Variants in GAB2 observed in about 807,000 individuals in gnomAD.
The protein encoded by GAB2 is GRB2 associated binding protein 2.
GAB2 carries 26 observed loss-of-function variants against 65.5 expected under a neutral mutation model. The observed-to-expected ratio is 0.40, with a 90% CI of 0.29 to 0.55. The LOEUF (loss-of-function observed/expected upper bound fraction) is 0.55. Ranked by LOEUF, GAB2 falls within the 20% of genes least tolerant of loss-of-function variation. The pLI is 0.53. For missense variants in GAB2, 884 were observed against 875.8 expected, an observed-to-expected ratio of 1.01 and a Z score of -0.12; for synonymous variants, 321 against 329.6, an observed-to-expected ratio of 0.97 and a Z score of 0.28.
At chr11:78,294,966 G>T (rs1367622471) in intron 1 of GAB2, among the ~76,000 whole-genome samples, 1 of 151,974 alleles carries the variant, frequency 6.6e-6, no homozygotes, top group Non-Finnish European at 1.5e-5. Flanking sequence ...TACAGAATGG[G>T]AGAAAATTTT....
At chr11:78,405,530 C>T (rs1024349736) in intron 1 of GAB2, among the ~76,000 whole-genome samples, 3 of 152,080 alleles carry the variant, frequency 2.0e-5, no homozygotes, top group African/African-American at 7.2e-5. Flanking sequence ...GTAATTGCCA[C>T]TACTATACTA....
intron 2 of GAB2, among the ~76,000 whole-genome samples, chr11:78,278,550 G>A (rs906084099): frequency 6.8e-6 from 1 of 147,224 alleles, no homozygotes; most frequent in Non-Finnish European, 1.5e-5. Context: ...CCTAATTTTT[G>A]TATTTTTAGT....
rs568133681 is a variant in GAB2 at position 78,361,167 on chromosome 11, C to G, written c.75+56479G>C. On this transcript the variant is annotated intron_variant, in intron 1 of 9. Coordinates refer to ENST00000361507, the MANE Select transcript of GAB2 (RefSeq NM_080491.3). ...TTTAATGACACTGTTAAAAATAAAGCTGAAACAAAGTTGAACCTGTACCTC... is the reference window on the plus strand; with the variant it reads ...TTTAATGACACTGTTAAAAATAAAGGTGAAACAAAGTTGAACCTGTACCTC... 1.6e-4 allele frequency among the ~76,000 whole-genome samples: 24 copies of G among 152,202 alleles called. No individual in the cohort carries two copies. The South Asian group carries it at 5.0e-3, about 32-fold the overall frequency.
intron 1 of GAB2, among the ~76,000 whole-genome samples, chr11:78,402,198 T>G (rs1289639837): frequency 6.6e-6 from 1 of 152,180 alleles, no homozygotes. Context: ...GTGTATGTCC[T>G]TGCCACCTTG....
At chr11:78,407,658 TAAGAAAGA>T (rs375405621) in intron 1 of GAB2, among the ~76,000 whole-genome samples, 1,903 of 117,146 alleles carry the variant, frequency 0.016, 37 homozygotes, top group Admixed American at 0.02. Flanking sequence ...AGAAAGAAAG[TAAGAAAGA>T]AAGAAAGAAA....
intron 1 of GAB2, among the ~76,000 whole-genome samples, chr11:78,290,639 A>T (rs1048112174): frequency 6.6e-6 from 1 of 152,180 alleles, no homozygotes; most frequent in Admixed American, 6.5e-5. Context: ...GTGAAAGTTT[A>T]TCACACCAGG....
At chr11:78,247,587 T>C (rs1199687503) in intron 3 of GAB2, among the ~76,000 whole-genome samples, 1 of 152,232 alleles carries the variant, frequency 6.6e-6, no homozygotes, top group African/African-American at 2.4e-5. Context: ...TTCTCGACGA[T>C]ATATTATTGG....
intron 3 of GAB2, among the ~76,000 whole-genome samples, chr11:78,240,305 T>C (rs1296795853): frequency 1.3e-5 from 2 of 152,044 alleles, no homozygotes; most frequent in African/African-American, 4.8e-5. Flanking sequence ...TGAGCTGAAG[T>C]AGCACACTGT....
chr11:78,331,883 G>C (rs928248897), intron 1 of GAB2, among the ~76,000 whole-genome samples: 5 of 152,090 alleles, frequency 3.3e-5, no homozygotes, highest in Admixed American at 6.5e-5. Context: ...TTATAGCCCA[G>C]AGGACACCAT....
chr11:78,347,143 T>A (rs536302846), intron 1 of GAB2, among the ~76,000 whole-genome samples: 18 of 152,278 alleles, frequency 1.2e-4, no homozygotes, highest in Non-Finnish European at 2.4e-4. Context: ...GAGCTCAGTA[T>A]AAGACTCCTT....
chr11:78,218,468 G>C lies in GAB2; in HGVS notation c.*804C>G, dbSNP rs1361553080. Reference sequence around the variant, plus strand: ...GGGCCTAGAGTGGCCTGTAGCTCCAGAGTTCTGGGGACCCAGACCCCACAG... The same window carrying C: ...GGGCCTAGAGTGGCCTGTAGCTCCACAGTTCTGGGGACCCAGACCCCACAG... On this transcript the variant is annotated 3_prime_UTR_variant, in exon 10 of 10. Coordinates refer to ENST00000361507, the MANE Select transcript of GAB2 (RefSeq NM_080491.3). The C allele has an allele frequency of 3.3e-5, 5 of 152,458 alleles. No homozygotes were observed. The highest frequency in any genetic ancestry group is 9.6e-5 in the African/African-American group (4 of 41,464). The allele number at this position is 152,458 out of a possible 1,614,324, so 9.4% of individuals were successfully genotyped here.
At chr11:78,417,496 C>T in intron 1 of GAB2, 150 bp downstream of exon 1, 2 of 252,730 alleles carry the variant, frequency 7.9e-6, no homozygotes, top group Non-Finnish European at 1.4e-5. Context: ...TGTGCAGGTG[C>T]CCCACACGCC....
At chr11:78,316,375 C>A (rs1230228839) in intron 1 of GAB2, among the ~76,000 whole-genome samples, 1 of 151,782 alleles carries the variant, frequency 6.6e-6, no homozygotes, top group African/African-American at 2.4e-5. Context: ...TAGTTCTGTC[C>A]CTCTGGAGAA....
chr11:78,316,811 G>A (rs965510530), intron 1 of GAB2, among the ~76,000 whole-genome samples: 1 of 152,112 alleles, frequency 6.6e-6, no homozygotes, highest in Non-Finnish European at 1.5e-5. Flanking sequence ...CTGAAAGCAG[G>A]AACACAAACG....
chr11:78,417,690 C>T lies in GAB2; in HGVS notation c.31G>A (p.Gly11Ser). ...TCGGGAGGCGATTTCCTCAGCCAGCCGGTGCACACCACGTCGCCGCCGCCG... is the reference window on the plus strand; with the variant it reads ...TCGGGAGGCGATTTCCTCAGCCAGCTGGTGCACACCACGTCGCCGCCGCCG... MSGGGDVVCT[G>S]WLRKSPPEKK... The change falls in exon 1 of 10, where the codon GGC becomes AGC. Residue 11 changes from glycine (G) to serine (S), a missense_variant. By Grantham distance (56) the Gly-to-Ser change is moderately conservative. Transcript: ENST00000361507. 7.3e-7 allele frequency: 1 copy of T among 1,371,102 alleles called. No homozygotes were observed. Among genetic ancestry groups the T allele is most frequent in the South Asian group, 1.4e-5 (1 of 73,518 alleles). 84.9% of individuals were successfully genotyped at this position (1,371,102 alleles called of 1,614,324 possible).
intron 2 of GAB2, among the ~76,000 whole-genome samples, chr11:78,278,931 G>T (rs1866252063): frequency 6.6e-6 from 1 of 152,020 alleles, no homozygotes; most frequent in African/African-American, 2.4e-5. Flanking sequence ...AACCATGATT[G>T]TGTCACTGCA....
intron 1 of GAB2, among the ~76,000 whole-genome samples, chr11:78,349,577 T>C (rs1856243464): frequency 6.6e-6 from 1 of 152,210 alleles, no homozygotes; most frequent in Non-Finnish European, 1.5e-5. Context: ...GCTTAGGGCA[T>C]CCTCAGAAAG....
chr11:78,335,899 T>C (rs971463914), intron 1 of GAB2, among the ~76,000 whole-genome samples: 1 of 152,180 alleles, frequency 6.6e-6, no homozygotes, highest in African/African-American at 2.4e-5. Flanking sequence ...GTGCCTTCTT[T>C]AGTTTTTTTC....
intron 1 of GAB2, among the ~76,000 whole-genome samples, chr11:78,390,789 AC>A (rs756636852): frequency 7.5e-4 from 114 of 152,340 alleles, no homozygotes; most frequent in Non-Finnish European, 1.4e-3. Flanking sequence ...TTCCACAGAT[AC>A]CAATGTAGAT....
Sources: allele counts gnomAD v4.1 joint callset (sites outside exome capture counted in the v4.1 genomes callset), GRCh38; gene constraint gnomAD v4.1.1; transcripts MANE v1.5; gene names NCBI Gene and HGNC (gene_info 2026-07-23, HGNC 2026-07-21).